Variants in CEP112 observed in about 807,000 individuals in gnomAD.
The protein encoded by CEP112 is centrosomal protein 112.
CEP112 carries 127 observed loss-of-function variants against 153.0 expected under a neutral mutation model. The observed-to-expected ratio is 0.83, with a 90% CI of 0.72 to 0.96. The LOEUF (loss-of-function observed/expected upper bound fraction) is 0.96. CEP112 is among the 40% of genes least tolerant of loss of function. The probability of loss-of-function intolerance (pLI) is 0.00; values close to 1 mark genes in which losing one functional copy is unlikely to be tolerated. For missense variants in CEP112, 1,089 were observed against 1,101.2 expected (o/e 0.99, Z 0.16); for synonymous variants, 358 against 374.4 (o/e 0.96, Z 0.51).
intron 21 of CEP112, among the ~76,000 whole-genome samples, chr17:65,816,916 A>C (rs890194196): frequency 2.0e-5 from 3 of 151,994 alleles, no homozygotes; most frequent in East Asian, 3.8e-4. Flanking sequence ...CCTGGTATAA[A>C]ATGCACTTGT....
chr17:66,159,462 G>A (rs1189023215), intron 4 of CEP112, among the ~76,000 whole-genome samples: 2 of 152,096 alleles, frequency 1.3e-5, no homozygotes, highest in African/African-American at 2.4e-5. Flanking sequence ...TAAAATACTG[G>A]CAAACCGAAT....
chr17:65,773,265 C>A (rs777104067), intron 21 of CEP112, among the ~76,000 whole-genome samples: 1 of 151,998 alleles, frequency 6.6e-6, no homozygotes, highest in Non-Finnish European at 1.5e-5. Flanking sequence ...AATATCTACC[C>A]CCTGCCTTCA....
intron 12 of CEP112, among the ~76,000 whole-genome samples, chr17:66,032,281 A>C (rs1030875434): frequency 6.6e-6 from 1 of 151,768 alleles, no homozygotes; most frequent in Non-Finnish European, 1.5e-5. Flanking sequence ...CGTTACAGGC[A>C]TGAGCCACTG....
rs1316309555 is a variant in CEP112 at position 66,099,365 on chromosome 17, T to A, written c.643-2733A>T. On this transcript the variant is annotated intron_variant, in intron 6 of 26. Coordinates refer to ENST00000535342, the MANE Select transcript of CEP112 (RefSeq NM_001199165.4). ...CTAAAAATACAAAAATTGGCTGGGC[T>A]TAGTGGCAGGTGACTATAATCCCAG... Among the ~76,000 whole-genome samples the A allele has an allele frequency of 2.6e-5, 4 of 151,560 alleles. No individual in the cohort carries two copies. The East Asian group carries it at 7.8e-4, about 29-fold the overall frequency.
chr17:65,837,660 G>A (rs953837039), intron 21 of CEP112, among the ~76,000 whole-genome samples: 6 of 152,194 alleles, frequency 3.9e-5, no homozygotes, highest in African/African-American at 9.7e-5. Flanking sequence ...GGGGAAATGT[G>A]GGGAAAAGAA....
At chr17:65,971,432 T>C (rs543562568) in intron 17 of CEP112, among the ~76,000 whole-genome samples, 38 of 54,050 alleles carry the variant, frequency 7.0e-4, no homozygotes, top group Middle Eastern at 0.019. Context: ...TGCATGCATG[T>C]TACATGGATG....
At chr17:65,827,501 C>T (rs960075669) in intron 21 of CEP112, among the ~76,000 whole-genome samples, 2 of 152,134 alleles carry the variant, frequency 1.3e-5, no homozygotes, top group Admixed American at 1.3e-4. Context: ...AAGCCACCAT[C>T]ATTTCCTCTC....
chr17:65,738,999 A>G (rs1598434581), intron 23 of CEP112, among the ~76,000 whole-genome samples: 1 of 152,290 alleles, frequency 6.6e-6, no homozygotes, highest in East Asian at 1.9e-4. Flanking sequence ...GGTGGAAGTG[A>G]CTTTGTGACT....
In CEP112 at chr17:65,958,711, T is replaced by G. The variant is rs371080118; in HGVS notation, c.1872+2752A>C. On this transcript the variant is annotated intron_variant, in intron 18 of 26. Transcript: ENST00000535342. ...CTTGACACCTACAGCCTGGGCACCA[T>G]GAACAGCAGCAGGGGGCAGACAGAC... Among the ~76,000 whole-genome samples the G allele has an allele frequency of 3.3e-5, 5 of 152,192 alleles. No homozygotes were observed. In the South Asian group the frequency reaches 1.0e-3, roughly 32 times the overall value.
intron 24 of CEP112, among the ~76,000 whole-genome samples, chr17:65,660,462 CCTTCCTTCCTTCCT>C (rs1480546341): frequency 3.5e-4 from 1 of 2,872 alleles, no homozygotes; most frequent in Non-Finnish European, 4.6e-4. Context: ...TTCTCTCTCT[CCTTCCTTCCTTCCT>C]TCCTTCCTTC....
chr17:66,053,825 G>C lies in CEP112; in HGVS notation c.1129C>G (p.His377Asp). ...AGCAATTCTTGAATGTTTTCAGTGTGTTGCTTTTGAAGATCAAACTTTTCC... is the reference window on the plus strand; with the variant it reads ...AGCAATTCTTGAATGTTTTCAGTGTCTTGCTTTTGAAGATCAAACTTTTCC... ...EQEKFDLQKQ[H>D]TENIQELLED... Residue 377 changes from histidine (H) to aspartate (D), a missense_variant, in exon 12 of 27, where the codon CAC becomes GAC. By Grantham distance (81) the His-to-Asp change is moderately conservative. Transcript: ENST00000535342. 6.2e-7 allele frequency: 1 copy of C among 1,612,780 alleles called. No individual in the cohort carries two copies. Among genetic ancestry groups the C allele is most frequent in the South Asian group, 1.1e-5 (1 of 90,772 alleles).
intron 21 of CEP112, among the ~76,000 whole-genome samples, chr17:65,754,345 C>T (rs2052088121): frequency 6.6e-6 from 1 of 152,168 alleles, no homozygotes. Flanking sequence ...AGCAGTGGCT[C>T]ACACCTGTAA....
At chr17:65,936,135 A>G (rs1343982348) in intron 18 of CEP112, among the ~76,000 whole-genome samples, 1 of 152,216 alleles carries the variant, frequency 6.6e-6, no homozygotes, top group East Asian at 1.9e-4. Context: ...CAAATTGTAT[A>G]GCTGAGGAAA....
intron 21 of CEP112, among the ~76,000 whole-genome samples, chr17:65,813,539 TG>T (rs2056101923): frequency 6.6e-6 from 1 of 152,226 alleles, no homozygotes; most frequent in South Asian, 2.1e-4. Context: ...CCAACATTCC[TG>T]ACATAGGTGT....
chr17:65,774,430 T>C (rs2053561377), intron 21 of CEP112, among the ~76,000 whole-genome samples: 1 of 152,060 alleles, frequency 6.6e-6, no homozygotes, highest in African/African-American at 2.4e-5. Context: ...GGCCACACTG[T>C]AGAGCAGAGA....
At chr17:65,717,940 CA>C (rs766972096) in intron 23 of CEP112, among the ~76,000 whole-genome samples, 1 of 151,714 alleles carries the variant, frequency 6.6e-6, no homozygotes, top group African/African-American at 2.4e-5. Flanking sequence ...AATGGAACAA[CA>C]AAAAAAATCC....
At chr17:66,148,437 T>C (rs2053023277) in intron 4 of CEP112, among the ~76,000 whole-genome samples, 3 of 152,210 alleles carry the variant, frequency 2.0e-5, no homozygotes, top group Admixed American at 1.3e-4. Context: ...CATCTGTAGA[T>C]TATCTTGGGT....
At chr17:65,671,855 T>C (rs1001090952) in intron 24 of CEP112, among the ~76,000 whole-genome samples, 2 of 152,072 alleles carry the variant, frequency 1.3e-5, no homozygotes, top group Non-Finnish European at 2.9e-5. Context: ...ACTCTTTCAG[T>C]GAAACTTAGG....
intron 18 of CEP112, among the ~76,000 whole-genome samples, chr17:65,956,411 C>CAT (rs201111781): frequency 7.7e-6 from 1 of 130,084 alleles, no homozygotes; most frequent in Non-Finnish European, 1.6e-5. Context: ...TACATACATA[C>CAT]ACACACACAC....
Sources: gnomAD v4.1 joint callset for allele counts (sites outside exome capture counted in the v4.1 genomes callset) on GRCh38, gnomAD v4.1.1 for gene constraint, MANE v1.5 for transcripts, NCBI Gene and HGNC (gene_info 2026-07-23, HGNC 2026-07-21) for gene names.